Variants in B3GNT2 observed in about 807,000 individuals in gnomAD.
The protein encoded by B3GNT2 is N-acetyllactosaminide beta-1,3-N-acetylglucosaminyltransferase 2.
A neutral mutation model predicts 27.6 loss-of-function variants in B3GNT2; 12 were observed. The observed-to-expected ratio is 0.44, with a 90% CI of 0.28 to 0.71. The LOEUF (loss-of-function observed/expected upper bound fraction) is 0.71. Ranked by LOEUF, B3GNT2 falls within the 30% of genes least tolerant of loss-of-function variation. The pLI is 0.17. For missense variants in B3GNT2, 413 were observed against 488.5 expected, an observed-to-expected ratio of 0.85 and a Z score of 1.46; for synonymous variants, 192 against 189.7, an observed-to-expected ratio of 1.01 and a Z score of -0.10.
intron 1 of B3GNT2, among the ~76,000 whole-genome samples, chr2:62,221,032 C>A (rs190964722): frequency 6.6e-6 from 1 of 152,186 alleles, no homozygotes; most frequent in Non-Finnish European, 1.5e-5. Flanking sequence ...TGCATACATC[C>A]GTGGAGCCTT....
intron 1 of B3GNT2, among the ~76,000 whole-genome samples, chr2:62,218,852 CCATT>C (rs1029073114): frequency 1.3e-5 from 2 of 152,180 alleles, no homozygotes; most frequent in African/African-American, 4.8e-5. Flanking sequence ...CCCGGGAAGG[CCATT>C]CATTAGTCCC....
intron 1 of B3GNT2, among the ~76,000 whole-genome samples, chr2:62,201,497 T>G (rs1344426698): frequency 1.3e-5 from 2 of 152,260 alleles, no homozygotes; most frequent in Non-Finnish European, 2.9e-5. Context: ...TTATTTTAAT[T>G]GCTTGCTTCA....
chr2:62,216,575 T>G (rs1345069098), intron 1 of B3GNT2, among the ~76,000 whole-genome samples: 1 of 152,008 alleles, frequency 6.6e-6, no homozygotes, highest in Admixed American at 6.5e-5. Context: ...CCAGCTAATT[T>G]TTTTTTAATG....
At chr2:62,205,810 C>T (rs558221825) in intron 1 of B3GNT2, 1 of 153,844 alleles carries the variant, frequency 6.5e-6, no homozygotes, top group East Asian at 1.9e-4. Flanking sequence ...CATTTGCCAC[C>T]TGAGGGACAG....
intron 1 of B3GNT2, chr2:62,205,771 G>T (rs945187766): frequency 6.5e-6 from 1 of 152,676 alleles, no homozygotes; most frequent in Non-Finnish European, 1.5e-5. Flanking sequence ...GCTGTGTGCC[G>T]TGGGCGGGGC....
intron 1 of B3GNT2, among the ~76,000 whole-genome samples, chr2:62,203,082 G>T (rs760479734): frequency 6.6e-6 from 1 of 152,180 alleles, no homozygotes; most frequent in Non-Finnish European, 1.5e-5. Context: ...AATCAACTCT[G>T]ACTTGGTTCT....
chr2:62,199,552 A>G (rs1179986301), intron 1 of B3GNT2, among the ~76,000 whole-genome samples: 1 of 152,230 alleles, frequency 6.6e-6, no homozygotes, highest in Non-Finnish European at 1.5e-5. Flanking sequence ...GGTGGTACAT[A>G]CATCACCAAT....
chr2:62,208,025 T>A (rs759272815), intron 1 of B3GNT2, among the ~76,000 whole-genome samples: 2 of 152,188 alleles, frequency 1.3e-5, no homozygotes, highest in Non-Finnish European at 2.9e-5. Context: ...TGAAAGTCGA[T>A]CTTATGAGTT....
chr2:62,211,333 G>A (rs2104199187), intron 1 of B3GNT2, among the ~76,000 whole-genome samples: 1 of 152,218 alleles, frequency 6.6e-6, no homozygotes, highest in South Asian at 2.1e-4. Flanking sequence ...TTCAACCTGG[G>A]TGACAGAGTA....
rs1466825713 is a variant in B3GNT2 at position 62,223,650 on chromosome 2, G to A, written c.*236G>A. On this transcript the variant is annotated 3_prime_UTR_variant, in exon 2 of 2. Coordinates refer to ENST00000301998, the MANE Select transcript of B3GNT2 (RefSeq NM_006577.6). Reference sequence around the variant, plus strand: ...TGATTGGTTCTGATCTTACCGGCTAGTGGTCATTTTTAAAAAACTTGTACC... The same window carrying A: ...TGATTGGTTCTGATCTTACCGGCTAATGGTCATTTTTAAAAAACTTGTACC... The A allele has an allele frequency of 2.5e-6, 1 of 398,032 alleles. No individual in the cohort carries two copies. The highest frequency in any genetic ancestry group is 4.3e-5 in the East Asian group (1 of 23,316). 24.7% of individuals were successfully genotyped at this position (398,032 alleles called of 1,614,324 possible).
chr2:62,203,536 T>A lies in B3GNT2; in HGVS notation c.-10+7181T>A, dbSNP rs1339310995. Among the ~76,000 whole-genome samples the A allele has an allele frequency of 2.6e-5, 4 of 151,614 alleles. No homozygotes were observed. The East Asian group carries it at 7.7e-4, about 29-fold the overall frequency. On this transcript the variant is annotated intron_variant, in intron 1 of 1. Transcript: ENST00000301998. ...GGGGGTTCCTGAGCTTGGGGTGGGG[T>A]AGACATGGTGGCCAGCAGTATTGGG... is the stretch of plus-strand genomic sequence containing the variant.
intron 1 of B3GNT2, among the ~76,000 whole-genome samples, chr2:62,201,704 ATAAAG>A (rs1185415215): frequency 2.6e-5 from 4 of 152,254 alleles, no homozygotes; most frequent in African/African-American, 2.4e-5. Flanking sequence ...AGTATTCAAG[ATAAAG>A]TAAAGGAAAA....
rs973877612 is a variant in B3GNT2 at position 62,214,040 on chromosome 2, G to T, written c.-9-8172G>T. 8.7e-4 allele frequency among the ~76,000 whole-genome samples: 132 copies of T among 152,182 alleles called. 3 individuals carry two copies. Among genetic ancestry groups the T allele is most frequent in the Admixed American group, 8.5e-3 (130 of 15,286 alleles). On this transcript the variant is annotated intron_variant, in intron 1 of 1. Coordinates refer to ENST00000301998, the MANE Select transcript of B3GNT2 (RefSeq NM_006577.6). ...CAGGAGCAGATACCCTGACTCCTGG[G>T]CAATGAGGCTGGTGTTTAGGCTGGG...
intron 1 of B3GNT2, among the ~76,000 whole-genome samples, chr2:62,213,219 G>T (rs535946635): frequency 1.3e-5 from 2 of 152,294 alleles, no homozygotes; most frequent in East Asian, 3.9e-4. Context: ...TGGAAGGATC[G>T]CTTGGGCCTG....
chr2:62,213,362 G>T (rs1274899776), intron 1 of B3GNT2, among the ~76,000 whole-genome samples: 1 of 152,152 alleles, frequency 6.6e-6, no homozygotes, highest in East Asian at 1.9e-4. Flanking sequence ...CTGTACTAAG[G>T]ATCTTCCTCT....
rs184167049 is a variant in B3GNT2, at chr2:62,210,760, C to G, written c.-9-11452C>G. On this transcript the variant is annotated intron_variant, in intron 1 of 1. Coordinates refer to ENST00000301998, the MANE Select transcript of B3GNT2 (RefSeq NM_006577.6). ...CTCCAGCCTGGATGACAGAGCAAGA[C>G]TCCATCTCAAAAAAAATAATAATAA... Among the ~76,000 whole-genome samples, 520 of 147,498 alleles carry G rather than the reference C, an allele frequency of 3.5e-3. 5 individuals are homozygous for G. The highest frequency in any genetic ancestry group is 0.013 in the African/African-American group (493 of 39,086).
intron 1 of B3GNT2, among the ~76,000 whole-genome samples, chr2:62,217,720 G>A: frequency 6.6e-6 from 1 of 152,214 alleles, no homozygotes; most frequent in African/African-American, 2.4e-5. Flanking sequence ...AGACCTTTGG[G>A]CAGCGTTAAA....
rs534349236 is a variant in B3GNT2 at position 62,220,262 on chromosome 2, A to G, written c.-9-1950A>G. Reference sequence around the variant, plus strand: ...CCTATGCCCAGGAATGAGTGGAGACAGCTAGCCTGTGAGGGTAGACGCAAG... The same window carrying G: ...CCTATGCCCAGGAATGAGTGGAGACGGCTAGCCTGTGAGGGTAGACGCAAG... On this transcript the variant is annotated intron_variant, in intron 1 of 1. Coordinates refer to ENST00000301998, the MANE Select transcript of B3GNT2 (RefSeq NM_006577.6). Among the ~76,000 whole-genome samples, 5 of 152,372 alleles carry G rather than the reference A, an allele frequency of 3.3e-5. No individual in the cohort carries two copies. In the East Asian group the frequency reaches 9.6e-4, roughly 29 times the overall value.
intron 1 of B3GNT2, among the ~76,000 whole-genome samples, chr2:62,210,199 C>A (rs896423014): frequency 6.6e-6 from 1 of 152,224 alleles, no homozygotes; most frequent in Non-Finnish European, 1.5e-5. Context: ...GATTCTCAAT[C>A]CTCCTCGAGC....
Sources: gnomAD v4.1 joint callset for allele counts (sites outside exome capture counted in the v4.1 genomes callset) on GRCh38, gnomAD v4.1.1 for gene constraint, MANE v1.5 for transcripts, NCBI Gene and HGNC (gene_info 2026-07-23, HGNC 2026-07-21) for gene names.